The following ARHGEF12 variants were observed in gnomAD, a reference collection of about 807,000 sequenced individuals.
ARHGEF12 encodes Rho guanine nucleotide exchange factor 12.
ARHGEF12 carries 66 observed loss-of-function variants against 211.2 expected under a neutral mutation model. That is an observed-to-expected ratio of 0.31 (90% CI 0.26 to 0.38). The LOEUF (loss-of-function observed/expected upper bound fraction) is 0.38, where lower values mean the gene tolerates loss of function less well. Among genes scored for constraint, ARHGEF12 ranks in the 10% least tolerant of loss-of-function variants. The probability of loss-of-function intolerance (pLI) is 1.00; values close to 1 mark genes in which losing one functional copy is unlikely to be tolerated. For synonymous variants in ARHGEF12, 592 were observed against 638.4 expected, an observed-to-expected ratio of 0.93 and a Z score of 1.09; for missense variants, 1,429 against 1,869.5, an observed-to-expected ratio of 0.76 and a Z score of 4.34.
At chr11:120,475,290 C>T (rs376256036) in intron 32 of ARHGEF12, 50 bp from the exon 33 acceptor site, 37 of 1,514,848 alleles carry the variant, frequency 2.4e-5, no homozygotes, top group East Asian at 4.6e-5. Flanking sequence ...GTTAATCAAA[C>T]GCGTCTCCAT....
rs56970429 is a variant in ARHGEF12, at chr11:120,411,581, C to CTTTTT, written c.199+2153_199+2157dup. The CTTTTT allele has an allele frequency of 1.4e-3, 58 of 40,702 alleles. 12 individuals carry two copies. In the South Asian group the frequency reaches 0.042, roughly 30 times the overall value. 2.5% of individuals were successfully genotyped at this position (40,702 alleles called of 1,614,324 possible). A position where few individuals can be genotyped will look rare whatever the true frequency, so the allele number is the denominator to read the frequency against. ...TATTATTTATTTTAAACTTTCTTGG[C>CTTTTT]TTTTTTTTTTTTTTTTTTTTTTTTT... On this transcript the variant is annotated intron_variant, in intron 4 of 40. Coordinates refer to ENST00000397843, the MANE Select transcript of ARHGEF12 (RefSeq NM_015313.3).
intron 7 of ARHGEF12, among the ~76,000 whole-genome samples, chr11:120,426,367 AAACTT>A (rs767360556): frequency 5.9e-5 from 9 of 152,350 alleles, no homozygotes; most frequent in Non-Finnish European, 7.3e-5. Context: ...GCATAGCTAA[AAACTT>A]AAAGTAAAGC....
intron 1 of ARHGEF12, among the ~76,000 whole-genome samples, chr11:120,371,316 C>G (rs143753536): frequency 6.6e-6 from 1 of 152,146 alleles, no homozygotes; most frequent in Admixed American, 6.5e-5. Flanking sequence ...TGGAGAAACC[C>G]TGTCTCTCCT....
chr11:120,376,797 C>A (rs372943517), intron 1 of ARHGEF12, among the ~76,000 whole-genome samples: 2 of 152,158 alleles, frequency 1.3e-5, no homozygotes, highest in African/African-American at 4.8e-5. Flanking sequence ...CCCAACCCCC[C>A]ACTACCCTTC....
intron 1 of ARHGEF12, among the ~76,000 whole-genome samples, chr11:120,399,681 A>G (rs570185877): frequency 1.3e-5 from 2 of 152,120 alleles, no homozygotes; most frequent in African/African-American, 2.4e-5. Context: ...TTTTTTTGGC[A>G]CACAGTAAGA....
chr11:120,462,889 T>C (rs776408052), intron 27 of ARHGEF12: 5 of 152,218 alleles, frequency 3.3e-5, no homozygotes, highest in Non-Finnish European at 7.3e-5. Flanking sequence ...ATAGAAACCA[T>C]ACTTTGAATT....
At chr11:120,341,232 A>G (rs1306690075) in intron 1 of ARHGEF12, among the ~76,000 whole-genome samples, 2 of 118,364 alleles carry the variant, frequency 1.7e-5, no homozygotes, top group African/African-American at 7.0e-5. Context: ...TAATTTTTGT[A>G]TTTTTAGTAG....
At chr11:120,347,194 T>C (rs961639714) in intron 1 of ARHGEF12, among the ~76,000 whole-genome samples, 2 of 141,860 alleles carry the variant, frequency 1.4e-5, no homozygotes, top group Admixed American at 1.4e-4. Context: ...CTTTCTTTCT[T>C]TCTTTCTTTC....
At chr11:120,421,626 C>T (rs1252957861) in intron 5 of ARHGEF12, among the ~76,000 whole-genome samples, 177 bp from the exon 6 acceptor site, 7 of 151,670 alleles carry the variant, frequency 4.6e-5, no homozygotes, top group East Asian at 1.9e-4. Flanking sequence ...TTAGTAGAGA[C>T]GGGGTTTTAC....
chr11:120,340,749 A>G (rs1942510690), intron 1 of ARHGEF12, among the ~76,000 whole-genome samples: 1 of 152,226 alleles, frequency 6.6e-6, no homozygotes, highest in Admixed American at 6.5e-5. Flanking sequence ...GCCAAAGATC[A>G]CAGTGTTAGT....
chr11:120,424,269 G>T, intron 6 of ARHGEF12, 89 bp from the exon 7 acceptor site: 1 of 842,534 alleles, frequency 1.2e-6, no homozygotes, highest in Non-Finnish European at 1.9e-6. Flanking sequence ...TATTATATTG[G>T]TTATATTATG....
At chr11:120,345,284 C>T (rs1331738740) in intron 1 of ARHGEF12, among the ~76,000 whole-genome samples, 5 of 152,142 alleles carry the variant, frequency 3.3e-5, no homozygotes, top group African/African-American at 1.2e-4. Context: ...AACCTCTTTG[C>T]CAATTTAACT....
At chr11:120,416,501 G>A (rs1041388323) in intron 4 of ARHGEF12, among the ~76,000 whole-genome samples, 1 of 152,144 alleles carries the variant, frequency 6.6e-6, no homozygotes, top group African/African-American at 2.4e-5. Flanking sequence ...TAAGAAGACT[G>A]ATTCTTTTCT....
At chr11:120,393,150 A>G (rs1944274187) in intron 1 of ARHGEF12, among the ~76,000 whole-genome samples, 1 of 152,244 alleles carries the variant, frequency 6.6e-6, no homozygotes, top group Non-Finnish European at 1.5e-5. Context: ...AGTTAAGTAG[A>G]ATACAAAATC....
At chr11:120,479,447 G>A (rs1947164023) in intron 37 of ARHGEF12, among the ~76,000 whole-genome samples, 1 of 152,060 alleles carries the variant, frequency 6.6e-6, no homozygotes, top group Non-Finnish European at 1.5e-5. Flanking sequence ...CATACACTTG[G>A]CCCATTCAAA....
Position 120,414,383 on chromosome 11 carries a change from C to T in ARHGEF12, c.199+4933C>T, listed in dbSNP as rs1407077516. Among the ~76,000 whole-genome samples the T allele has an allele frequency of 4.6e-5, 7 of 152,154 alleles. No individual in the cohort carries two copies. In the South Asian group the frequency reaches 1.5e-3, roughly 32 times the overall value. ...GAAATGTTCCTCTACTTTGCATAGTCTTCAAGGCTGTGATTTTTTTTCTAA... is the reference window on the plus strand; with the variant it reads ...GAAATGTTCCTCTACTTTGCATAGTTTTCAAGGCTGTGATTTTTTTTCTAA... On this transcript the variant is annotated intron_variant, in intron 4 of 40. Coordinates refer to ENST00000397843, the MANE Select transcript of ARHGEF12 (RefSeq NM_015313.3).
intron 6 of ARHGEF12, among the ~76,000 whole-genome samples, chr11:120,423,044 A>G (rs915270137): frequency 2.6e-5 from 4 of 152,194 alleles, no homozygotes; most frequent in African/African-American, 4.8e-5. Flanking sequence ...AAATTTAAAG[A>G]ACACTTTTAA....
chr11:120,422,824 C>T (rs191187160), intron 6 of ARHGEF12, among the ~76,000 whole-genome samples: 1 of 152,076 alleles, frequency 6.6e-6, no homozygotes, highest in Non-Finnish European at 1.5e-5. Context: ...TGACTCTAAT[C>T]TAGATATAGA....
intron 1 of ARHGEF12, among the ~76,000 whole-genome samples, chr11:120,367,402 G>C (rs964905389): frequency 9.9e-6 from 1 of 101,004 alleles, no homozygotes; most frequent in African/African-American, 4.0e-5. Context: ...GTCTCGCTCT[G>C]TCGCCCAGGC....
Sources: allele counts gnomAD v4.1 joint callset (sites outside exome capture counted in the v4.1 genomes callset), GRCh38; gene constraint gnomAD v4.1.1; transcripts MANE v1.5; gene names NCBI Gene and HGNC (gene_info 2026-07-23, HGNC 2026-07-21).